Variants in RFX3 observed in about 807,000 individuals in gnomAD.
The protein encoded by RFX3 is transcription factor RFX3.
Under a neutral mutation model 98.6 loss-of-function variants are expected in RFX3, and 14 were observed. The ratio of observed to expected loss-of-function variants is 0.14; its 90% CI spans 0.09 to 0.22. The LOEUF (loss-of-function observed/expected upper bound fraction) is 0.22. RFX3 is among the 10% of genes least tolerant of loss of function. RFX3 has a pLI of 1.00. For synonymous variants in RFX3, 383 were observed against 328.4 expected, an observed-to-expected ratio of 1.17 and a Z score of -1.80; for missense variants, 639 against 926.9, an observed-to-expected ratio of 0.69 and a Z score of 4.03.
At chr9:3,234,023 T>C (rs574557775) in intron 15 of RFX3, among the ~76,000 whole-genome samples, 34 of 152,292 alleles carry the variant, frequency 2.2e-4, no homozygotes, top group African/African-American at 8.2e-4. Flanking sequence ...TGTTAGTATA[T>C]CCAGATTACA....
chr9:3,361,379 C>T (rs1836412837), intron 2 of RFX3, among the ~76,000 whole-genome samples: 1 of 151,960 alleles, frequency 6.6e-6, no homozygotes, highest in South Asian at 2.1e-4. Context: ...AAGTCAAAAG[C>T]ACAGTACGGA....
At chr9:3,230,319 T>G (rs1299375227) in intron 15 of RFX3, among the ~76,000 whole-genome samples, 1 of 152,226 alleles carries the variant, frequency 6.6e-6, no homozygotes, top group Admixed American at 6.5e-5. Flanking sequence ...ATTATTAGTA[T>G]GTTTATTTGA....
At chr9:3,351,250 G>T (rs959221019) in intron 2 of RFX3, among the ~76,000 whole-genome samples, 1 of 151,860 alleles carries the variant, frequency 6.6e-6, no homozygotes, top group Non-Finnish European at 1.5e-5. Flanking sequence ...AATACTAAAG[G>T]TGCTTTAGAA....
intron 1 of RFX3, among the ~76,000 whole-genome samples, chr9:3,500,119 A>G (rs530631716): frequency 6.6e-6 from 1 of 152,308 alleles, no homozygotes; most frequent in Admixed American, 6.5e-5. Context: ...CAACTATCCA[A>G]AAAAGAAAGG....
At chr9:3,502,102 A>T (rs1816087700) in intron 1 of RFX3, among the ~76,000 whole-genome samples, 2 of 150,994 alleles carry the variant, frequency 1.3e-5, no homozygotes, top group South Asian at 4.2e-4. Flanking sequence ...AAAAAAAAAT[A>T]CAAAAAATTA....
intron 1 of RFX3, among the ~76,000 whole-genome samples, chr9:3,491,468 C>T (rs1298888804): frequency 1.3e-5 from 2 of 152,112 alleles, no homozygotes; most frequent in African/African-American, 2.4e-5. Context: ...TTTTGAGCAA[C>T]ATGAGTCAAA....
intron 4 of RFX3, among the ~76,000 whole-genome samples, chr9:3,320,157 T>C (rs902581343): frequency 2.6e-5 from 4 of 152,218 alleles, no homozygotes; most frequent in Non-Finnish European, 5.9e-5. Context: ...CATTAAGAGC[T>C]TGTCCAAAAT....
chr9:3,276,658 T>A (rs1825264958), intron 8 of RFX3, among the ~76,000 whole-genome samples: 1 of 151,928 alleles, frequency 6.6e-6, no homozygotes, highest in African/African-American at 2.4e-5. Context: ...AAAGTGCACA[T>A]AGACACATAT....
rs923256564 is a variant in RFX3, at chr9:3,379,179, T to C, written c.117+16293A>G. 2.0e-5 allele frequency among the ~76,000 whole-genome samples: 3 copies of C among 152,060 alleles called. No homozygotes were observed. The East Asian group carries it at 5.8e-4, about 29-fold the overall frequency. On this transcript the variant is annotated intron_variant, in intron 2 of 16. Coordinates refer to ENST00000617270, the MANE Select transcript of RFX3 (RefSeq NM_001282116.2). Reference sequence around the variant, plus strand: ...TGGATCATCAATGTACATTACAGTTTTGGGGAGAGACACTAATTACCTGAA... The same window carrying C: ...TGGATCATCAATGTACATTACAGTTCTGGGGAGAGACACTAATTACCTGAA...
chr9:3,332,870 T>C (rs1437625831), intron 3 of RFX3, among the ~76,000 whole-genome samples: 2 of 152,102 alleles, frequency 1.3e-5, no homozygotes, highest in African/African-American at 4.8e-5. Context: ...TCCACCTCCC[T>C]GCCTTTGTCC....
intron 1 of RFX3, among the ~76,000 whole-genome samples, chr9:3,456,874 C>T (rs1268706314): frequency 1.3e-5 from 2 of 151,598 alleles, no homozygotes; most frequent in African/African-American, 2.4e-5. Flanking sequence ...AAGGGCCAGG[C>T]GCAGTGGCTC....
intron 1 of RFX3, among the ~76,000 whole-genome samples, chr9:3,398,914 TAAAAAAAAAAAAAAAA>T (rs71324247): frequency 1.5e-5 from 1 of 67,568 alleles, no homozygotes; most frequent in African/African-American, 4.8e-5. Context: ...TAGAGTATAA[TAAAAAAAAAAAAAAAA>T]AAAAAAAAAA....
chr9:3,224,939 G>A lies in RFX3; in HGVS notation c.*103C>T. 1 of 1,149,402 alleles carries A rather than the reference G, an allele frequency of 8.7e-7. No homozygotes were observed. Among genetic ancestry groups the A allele is most frequent in the Non-Finnish European group, 1.3e-6 (1 of 789,750 alleles). The allele number at this position is 1,149,402 out of a possible 1,614,324, so 71.2% of individuals were successfully genotyped here. ...CTCCAAAAAGTTAATGTTCAGCACA[G>A]ATAGAATTTGACAACAGTCGACCTT... On this transcript the variant is annotated 3_prime_UTR_variant, in exon 17 of 17. Coordinates refer to ENST00000617270, the MANE Select transcript of RFX3 (RefSeq NM_001282116.2).
chr9:3,436,510 C>A (rs1564099440), intron 1 of RFX3, among the ~76,000 whole-genome samples: 1 of 151,946 alleles, frequency 6.6e-6, no homozygotes, highest in Non-Finnish European at 1.5e-5. Context: ...GTATTTATGT[C>A]AAAACTAATA....
chr9:3,501,422 C>G (rs190629057), intron 1 of RFX3, among the ~76,000 whole-genome samples: 17 of 151,860 alleles, frequency 1.1e-4, no homozygotes, highest in Non-Finnish European at 1.9e-4. Flanking sequence ...AAAATTACTC[C>G]GAGGGCCATA....
chr9:3,258,916 C>T (rs992653210), intron 13 of RFX3, among the ~76,000 whole-genome samples: 3 of 151,426 alleles, frequency 2.0e-5, no homozygotes, highest in African/African-American at 4.8e-5. Flanking sequence ...CTTATACATA[C>T]TTAAATGTTT....
intron 4 of RFX3, among the ~76,000 whole-genome samples, chr9:3,323,007 G>A (rs1831486365): frequency 6.6e-6 from 1 of 152,142 alleles, no homozygotes; most frequent in South Asian, 2.1e-4. Context: ...AAGTGTATGT[G>A]TAAAATTATT....
intron 2 of RFX3, among the ~76,000 whole-genome samples, chr9:3,362,089 C>G (rs1836528251): frequency 1.3e-5 from 2 of 152,120 alleles, no homozygotes; most frequent in Admixed American, 1.3e-4. Flanking sequence ...TCACAGAGAA[C>G]AAAAAGCATG....
chr9:3,235,165 T>C (rs1563776145), intron 15 of RFX3, among the ~76,000 whole-genome samples: 4 of 152,206 alleles, frequency 2.6e-5, no homozygotes, highest in Non-Finnish European at 1.5e-5. Context: ...CATGTGTTAT[T>C]CAGGTGGGGC....
Sources: allele counts gnomAD v4.1 joint callset (sites outside exome capture counted in the v4.1 genomes callset), GRCh38; gene constraint gnomAD v4.1.1; transcripts MANE v1.5; gene names NCBI Gene and HGNC (gene_info 2026-07-23, HGNC 2026-07-21).